TMEM132D: variants seen among roughly 807,000 people sequenced by gnomAD.
The protein encoded by TMEM132D is transmembrane protein 132D.
A neutral mutation model predicts 62.3 loss-of-function variants in TMEM132D; 21 were observed. That is an observed-to-expected ratio of 0.34 (90% CI 0.24 to 0.49). TMEM132D has a LOEUF of 0.49. TMEM132D is among the 20% of genes least tolerant of loss of function. The probability of loss-of-function intolerance (pLI) is 0.99; values close to 1 mark genes in which losing one functional copy is unlikely to be tolerated. For synonymous variants in TMEM132D, 621 were observed against 575.6 expected, an observed-to-expected ratio of 1.08 and a Z score of -1.13; for missense variants, 1,346 against 1,402.8, an observed-to-expected ratio of 0.96 and a Z score of 0.65.
intron 4 of TMEM132D, among the ~76,000 whole-genome samples, chr12:129,243,414 T>C (rs11611591): frequency 0.05 from 7,554 of 152,310 alleles, 405 homozygotes; most frequent in East Asian, 0.2. Flanking sequence ...ATACTTTGCA[T>C]ACATTTGCAT....
At chr12:129,300,276 C>T (rs965740671) in intron 4 of TMEM132D, among the ~76,000 whole-genome samples, 5 of 152,282 alleles carry the variant, frequency 3.3e-5, no homozygotes, top group Admixed American at 3.3e-4. Flanking sequence ...AGGCAAGTTG[C>T]CACATAGGAA....
In TMEM132D at chr12:129,225,479, G is replaced by A. The variant is rs975886065; in HGVS notation, c.1300-15816C>T. Among the ~76,000 whole-genome samples, 3 of 152,276 alleles carry A rather than the reference G, an allele frequency of 2.0e-5. No homozygotes were observed. In the East Asian group the frequency reaches 5.8e-4, roughly 29 times the overall value. On this transcript the variant is annotated intron_variant, in intron 4 of 8. Coordinates refer to ENST00000422113, the MANE Select transcript of TMEM132D (RefSeq NM_133448.3). ...ACCCGCACAGTCTTTGGACTCGGGT[G>A]GCCTGTGTTCAAATCCCAGCTTTGT... is the stretch of plus-strand genomic sequence containing the variant.
intron 3 of TMEM132D, among the ~76,000 whole-genome samples, chr12:129,519,618 T>TG (rs1204005883): frequency 6.6e-6 from 1 of 151,410 alleles, no homozygotes; most frequent in African/African-American, 2.4e-5. Context: ...TGCTTTTTTT[T>TG]TTTTCTTTGA....
intron 3 of TMEM132D, among the ~76,000 whole-genome samples, chr12:129,367,563 T>C (rs1175603008): frequency 1.3e-5 from 2 of 152,092 alleles, no homozygotes; most frequent in Non-Finnish European, 2.9e-5. Flanking sequence ...GCAAGGGTCT[T>C]CTTCAGGTGT....
At chr12:129,571,802 G>C (rs1484468051) in intron 2 of TMEM132D, among the ~76,000 whole-genome samples, 1 of 152,014 alleles carries the variant, frequency 6.6e-6, no homozygotes, top group Non-Finnish European at 1.5e-5. Flanking sequence ...CACTAACTTA[G>C]AGAAAGAAAA....
At chr12:129,890,611 T>C (rs969141855) in intron 1 of TMEM132D, among the ~76,000 whole-genome samples, 5 of 152,202 alleles carry the variant, frequency 3.3e-5, no homozygotes, top group Non-Finnish European at 7.4e-5. Context: ...TCTAAAGAGT[T>C]ACACGAAAGC....
At chr12:129,897,947 G>C (rs1181774706) in intron 1 of TMEM132D, among the ~76,000 whole-genome samples, 1 of 152,126 alleles carries the variant, frequency 6.6e-6, no homozygotes, top group Non-Finnish European at 1.5e-5. Context: ...CAGGGGTATG[G>C]GTTCTGGCAT....
At chr12:129,200,784 A>G (rs1878684639) in intron 5 of TMEM132D, among the ~76,000 whole-genome samples, 2 of 152,226 alleles carry the variant, frequency 1.3e-5, no homozygotes, top group Non-Finnish European at 2.9e-5. Context: ...TCAGGCCCCA[A>G]CACTGAAGCA....
intron 4 of TMEM132D, among the ~76,000 whole-genome samples, chr12:129,225,992 A>G (rs139519706): frequency 2.0e-5 from 3 of 152,294 alleles, no homozygotes; most frequent in Non-Finnish European, 2.9e-5. Flanking sequence ...TGCTCAGCCA[A>G]TGAACAATAA....
rs576844884 is a variant in TMEM132D at position 129,172,611 on chromosome 12, T to C, written c.1443+36909A>G. On this transcript the variant is annotated intron_variant, in intron 5 of 8. Transcript: ENST00000422113. ...TTTCTTTTTTGAGATAGAGTTTCACTCTTGTTGCCCAGGCTGGAGTGCAAT... is the reference window on the plus strand; with the variant it reads ...TTTCTTTTTTGAGATAGAGTTTCACCCTTGTTGCCCAGGCTGGAGTGCAAT... Among the ~76,000 whole-genome samples, 439 of 152,316 alleles carry C rather than the reference T, an allele frequency of 2.9e-3. 2 individuals are homozygous for C. Among genetic ancestry groups the C allele is most frequent in the Middle Eastern group, 0.01 (3 of 294 alleles).
At chr12:129,724,607 C>T (rs1868962378) in intron 1 of TMEM132D, among the ~76,000 whole-genome samples, 3 of 152,170 alleles carry the variant, frequency 2.0e-5, no homozygotes, top group Admixed American at 6.5e-5. Context: ...ACCGCAACCC[C>T]CGCCTCCCTG....
At chr12:129,392,675 C>T (rs1453766731) in intron 3 of TMEM132D, among the ~76,000 whole-genome samples, 3 of 152,188 alleles carry the variant, frequency 2.0e-5, no homozygotes, top group East Asian at 1.9e-4. Context: ...TCAGGGACCC[C>T]AGGCCAGGGC....
chr12:129,381,894 C>T (rs976804117), intron 3 of TMEM132D, among the ~76,000 whole-genome samples: 2 of 152,186 alleles, frequency 1.3e-5, no homozygotes, highest in East Asian at 3.9e-4. Flanking sequence ...ACTTCCTCGG[C>T]TTCTGAAAGC....
At chr12:129,751,502 T>G (rs1869999911) in intron 1 of TMEM132D, among the ~76,000 whole-genome samples, 1 of 151,716 alleles carries the variant, frequency 6.6e-6, no homozygotes, top group Non-Finnish European at 1.5e-5. Context: ...CAGCATTTCC[T>G]GTGTCGCCCC....
At chr12:129,235,735 G>A (rs1879761762) in intron 4 of TMEM132D, among the ~76,000 whole-genome samples, 1 of 152,114 alleles carries the variant, frequency 6.6e-6, no homozygotes, top group Non-Finnish European at 1.5e-5. Flanking sequence ...TCATATGGAA[G>A]TTTATGTAAC....
intron 2 of TMEM132D, among the ~76,000 whole-genome samples, chr12:129,656,637 TGGC>T (rs1175996903): frequency 1.3e-5 from 2 of 152,170 alleles, no homozygotes; most frequent in African/African-American, 4.8e-5. Flanking sequence ...TACCTAAAAT[TGGC>T]GGCTACTTCT....
At chr12:129,683,515 G>A (rs1047731259) in intron 2 of TMEM132D, among the ~76,000 whole-genome samples, 14 of 152,266 alleles carry the variant, frequency 9.2e-5, no homozygotes, top group South Asian at 6.2e-4. Context: ...TGATCCCTGC[G>A]TTCCTAAGAG....
intron 4 of TMEM132D, among the ~76,000 whole-genome samples, chr12:129,225,533 T>C (rs1879457451): frequency 6.6e-6 from 1 of 152,188 alleles, no homozygotes; most frequent in African/African-American, 2.4e-5. Flanking sequence ...CTTTGCAAGT[T>C]ACTGAAACTC....
chr12:129,144,310 T>C (rs911499031), intron 5 of TMEM132D, among the ~76,000 whole-genome samples: 1 of 152,168 alleles, frequency 6.6e-6, no homozygotes, highest in African/African-American at 2.4e-5. Flanking sequence ...TCCAGACCCT[T>C]GTGCATTTCC....
Sources: allele counts gnomAD v4.1 joint callset (sites outside exome capture counted in the v4.1 genomes callset), GRCh38; gene constraint gnomAD v4.1.1; transcripts MANE v1.5; gene names NCBI Gene and HGNC (gene_info 2026-07-23, HGNC 2026-07-21).